Variants in FKBP9 observed in about 807,000 individuals in gnomAD.
The protein encoded by FKBP9 is FKBP prolyl isomerase 9, also known as peptidyl-prolyl cis-trans isomerase FKBP9.
Under a neutral mutation model 55.6 loss-of-function variants are expected in FKBP9, and 27 were observed. The observed-to-expected ratio is 0.49, with a 90% CI of 0.36 to 0.67. The LOEUF is 0.67. Ranked by LOEUF, FKBP9 falls within the 30% of genes least tolerant of loss-of-function variation. The pLI is 0.00. For missense variants in FKBP9, 539 were observed against 742.8 expected (o/e 0.73, Z 3.19); for synonymous variants, 267 against 296.5 (o/e 0.90, Z 1.02).
Position 32,975,187 on chromosome 7 carries a change from G to A in FKBP9, c.373G>A (p.Val125Met). The A allele has an allele frequency of 6.2e-7, 1 of 1,612,744 alleles. No homozygotes were observed. ...GTGTAATCTTTAATTTCTAGCTGGT[G>A]TGATCCCCCCCAATTCAGTGCTTCA... ...LAYGNEGVSG[V>M]IPPNSVLHFD... Residue 125 changes from valine (V) to methionine (M), a missense_variant, in exon 3 of 10, where the codon GTG (valine) becomes ATG (methionine). This residue lies in a region of FKBP9 where 236 missense variants were observed against 271.5 expected (regional missense o/e 0.87). Transcript: ENST00000242209.
At chr7:32,960,591 A>T (rs772876880) in intron 1 of FKBP9, among the ~76,000 whole-genome samples, 4 of 152,198 alleles carry the variant, frequency 2.6e-5, no homozygotes, top group Admixed American at 6.5e-5. Flanking sequence ...GATGGTAATT[A>T]ATTCCAGTAG....
chr7:32,974,862 A>T (rs1784329583), intron 2 of FKBP9, 100 bp downstream of exon 2: 2 of 1,162,020 alleles, frequency 1.7e-6, no homozygotes, highest in Non-Finnish European at 2.5e-6. Flanking sequence ...GAAGCTTTAG[A>T]TTGGGGGAAA....
In FKBP9 at chr7:33,005,893, G is replaced by A. The variant is rs1294949205; in HGVS notation, c.*542G>A. The A allele has an allele frequency of 3.4e-5, 8 of 232,262 alleles. No individual in the cohort carries two copies. Among genetic ancestry groups the A allele is most frequent in the Non-Finnish European group, 5.9e-5 (7 of 117,812 alleles). 14.4% of individuals were successfully genotyped at this position (232,262 alleles called of 1,614,324 possible). On this transcript the variant is annotated 3_prime_UTR_variant, in exon 10 of 10. Coordinates refer to ENST00000242209, the MANE Select transcript of FKBP9 (RefSeq NM_007270.5). Reference sequence around the variant, plus strand: ...AAATTCTGATGATGGCCCCACCCCCGCACACGCACACGCACATCATGCTTT... The same window carrying A: ...AAATTCTGATGATGGCCCCACCCCCACACACGCACACGCACATCATGCTTT...
At position 33,005,186 on chromosome 7, in the gene FKBP9, C is replaced by T. The variant is rs753798429; in HGVS notation, c.1548C>T (p.Tyr516=). The T allele has an allele frequency of 1.9e-6, 3 of 1,613,744 alleles. No individual in the cohort carries two copies. Among genetic ancestry groups the T allele is most frequent in the East Asian group, 2.2e-5 (1 of 44,874 alleles). The change falls in exon 10 of 10, where the codon TAC becomes TAT. Residue 516 remains tyrosine (Y), a synonymous_variant. Coordinates refer to ENST00000242209, the MANE Select transcript of FKBP9 (RefSeq NM_007270.5). ...CCCTTCTTTTCCAGTTCTCAGAGTA[C>T]ATTCACGCCCAGGTGGCATCTGGCA... ...GEVLLEEFSE[Y]IHAQVASGKG...
chr7:33,006,800 T>C lies in FKBP9; in HGVS notation c.*1449T>C. ...GTCAATGATTTCCCTTTGAAACTACTTTATTTTACTAATTTAAACTATTTT... is the reference window on the plus strand; with the variant it reads ...GTCAATGATTTCCCTTTGAAACTACCTTATTTTACTAATTTAAACTATTTT... On this transcript the variant is annotated 3_prime_UTR_variant, in exon 10 of 10. Transcript: ENST00000242209. The C allele has an allele frequency of 4.9e-6, 1 of 202,272 alleles. No homozygotes were observed. The highest frequency in any genetic ancestry group is 7.6e-5 in the East Asian group (1 of 13,212). 12.5% of individuals were successfully genotyped at this position (202,272 alleles called of 1,614,324 possible).
At chr7:32,963,884 G>T (rs562792836) in intron 1 of FKBP9, among the ~76,000 whole-genome samples, 19 of 152,308 alleles carry the variant, frequency 1.2e-4, no homozygotes, top group African/African-American at 4.6e-4. Flanking sequence ...GTCCTGCTTG[G>T]GGCAGGTGTC....
intron 1 of FKBP9, among the ~76,000 whole-genome samples, chr7:32,969,481 AC>A (rs1784213159): frequency 6.6e-6 from 1 of 152,144 alleles, no homozygotes; most frequent in Non-Finnish European, 1.5e-5. Flanking sequence ...TATTGAAGAG[AC>A]CATCCTTACC....
At position 32,994,288 on chromosome 7, in the gene FKBP9, TC is replaced by T. The variant is rs1183492078; in HGVS notation, c.1040-1874del. ...CCACGCTGGCAACAGGTAGTCTATT[TC>T]TTGTCTGTATGGATTTGCTTATGCT... is the stretch of plus-strand genomic sequence containing the variant. On this transcript the variant is annotated intron_variant, in intron 6 of 9. Transcript: ENST00000242209. Among the ~76,000 whole-genome samples, 5 of 152,316 alleles carry T rather than the reference TC, an allele frequency of 3.3e-5. No individual in the cohort carries two copies. The East Asian group carries it at 9.7e-4, about 29-fold the overall frequency.
At chr7:32,977,880 T>TA (rs1562567376) in intron 4 of FKBP9, among the ~76,000 whole-genome samples, 1 of 138,594 alleles carries the variant, frequency 7.2e-6, no homozygotes, top group African/African-American at 2.8e-5. Flanking sequence ...CATATATATA[T>TA]ATGTATATAT....
Position 32,990,168 on chromosome 7 carries a change from A to G in FKBP9, c.1039+1516A>G, listed in dbSNP as rs376263441. The stretch of plus-strand genomic sequence containing the variant: ...TATTAAAAGGGACTTTACAGATTTG[A>G]TTAAGGATCTTGAGATAGGAATAGT... On this transcript the variant is annotated intron_variant, in intron 6 of 9. Coordinates refer to ENST00000242209, the MANE Select transcript of FKBP9 (RefSeq NM_007270.5). Among the ~76,000 whole-genome samples, 156 of 152,248 alleles carry G rather than the reference A, an allele frequency of 1.0e-3. 1 individual carries two copies. Among genetic ancestry groups the G allele is most frequent in the African/African-American group, 3.5e-3 (147 of 41,548 alleles).
At position 32,957,794 on chromosome 7, in the gene FKBP9, G is replaced by T. The variant is rs1046929090; in HGVS notation, c.221G>T (p.Ser74Ile). 6.9e-7 allele frequency: 1 copy of T among 1,443,064 alleles called. No homozygotes were observed. 89.4% of individuals were successfully genotyped at this position (1,443,064 alleles called of 1,614,324 possible). ...CCCGACGGCCAGAAGTTCGACTCCA[G>T]GTACCGCGCCCTTGGCGCCCGGCGC... ...TFPDGQKFDS[S>I]YDRDSTFNVF... Residue 74 changes from serine (S) to isoleucine (I), a missense_variant and splice_region_variant, in exon 1 of 10, where the codon AGC becomes ATC. This residue lies in a region of FKBP9 where 236 missense variants were observed against 271.5 expected (regional missense o/e 0.87). Coordinates refer to ENST00000242209, the MANE Select transcript of FKBP9 (RefSeq NM_007270.5).
chr7:32,967,760 GTTT>G (rs1562563791), intron 1 of FKBP9, among the ~76,000 whole-genome samples: 6 of 150,972 alleles, frequency 4.0e-5, no homozygotes, highest in African/African-American at 1.5e-4. Flanking sequence ...TTTTTGTTTT[GTTT>G]TGTTTTTTGA....
chr7:32,973,170 A>G (rs1310547353), intron 1 of FKBP9, among the ~76,000 whole-genome samples: 2 of 152,170 alleles, frequency 1.3e-5, no homozygotes, highest in South Asian at 2.1e-4. Flanking sequence ...GGCAAAGTCC[A>G]TGCCTTGTAC....
chr7:32,964,231 G>A (rs555215031), intron 1 of FKBP9, among the ~76,000 whole-genome samples: 174 of 152,306 alleles, frequency 1.1e-3, no homozygotes, highest in African/African-American at 3.7e-3. Context: ...TTGGCAGCTG[G>A]CCAAGCACCC....
chr7:32,969,979 G>T lies in FKBP9; in HGVS notation c.222-4638G>T, dbSNP rs565212597. On this transcript the variant is annotated intron_variant, in intron 1 of 9. Transcript: ENST00000242209. ...TGCACCACTGCACTCTAGCCTGGGC[G>T]ACAGAGTGAGACTCTATCTCAAAAA... Among the ~76,000 whole-genome samples the T allele has an allele frequency of 8.8e-4, 133 of 151,826 alleles. 1 individual carries two copies. The highest frequency in any genetic ancestry group is 1.6e-3 in the Non-Finnish European group (106 of 67,986).
intron 9 of FKBP9, 164 bp downstream of exon 9, chr7:33,003,003 C>T (rs1336464500): frequency 1.3e-5 from 8 of 619,400 alleles, no homozygotes; most frequent in Non-Finnish European, 1.1e-5. Flanking sequence ...TTTACACACA[C>T]CCTCTCGATG....
intron 1 of FKBP9, among the ~76,000 whole-genome samples, chr7:32,968,434 A>G (rs1784189805): frequency 6.6e-6 from 1 of 152,124 alleles, no homozygotes; most frequent in South Asian, 2.1e-4. Context: ...GAGCAAGTAC[A>G]TTTTGCATTC....
At chr7:32,960,751 A>G (rs1448596136) in intron 1 of FKBP9, among the ~76,000 whole-genome samples, 1 of 152,194 alleles carries the variant, frequency 6.6e-6, no homozygotes, top group East Asian at 1.9e-4. Flanking sequence ...GTCCTAGTCT[A>G]GTATGCTTCT....
intron 5 of FKBP9, among the ~76,000 whole-genome samples, chr7:32,983,719 G>A (rs1784526706): frequency 6.6e-6 from 1 of 152,188 alleles, no homozygotes. Context: ...TACAAATTCA[G>A]TAACATTGGG....
Sources: gnomAD v4.1 joint callset for allele counts (sites outside exome capture counted in the v4.1 genomes callset) on GRCh38, gnomAD v4.1.1 for gene constraint, gnomAD v4.1.1 regional missense constraint, MANE v1.5 for transcripts, NCBI Gene and HGNC (gene_info 2026-07-23, HGNC 2026-07-21) for gene names.